Variants in EXOC6B observed in about 807,000 individuals in gnomAD.
EXOC6B encodes the protein SEC15 homolog B.
EXOC6B carries 54 observed loss-of-function variants against 113.5 expected under a neutral mutation model. The observed-to-expected ratio is 0.48, with a 90% CI of 0.38 to 0.60. The LOEUF is 0.60. EXOC6B is among the 20% of genes least tolerant of loss of function. EXOC6B has a pLI of 0.00. For synonymous variants in EXOC6B, 357 were observed against 339.0 expected (o/e 1.05, Z -0.58); for missense variants, 797 against 977.5 (o/e 0.82, Z 2.46).
At chr2:72,643,041 T>G (rs1196481034) in intron 6 of EXOC6B, among the ~76,000 whole-genome samples, 1 of 151,774 alleles carries the variant, frequency 6.6e-6, no homozygotes, top group Non-Finnish European at 1.5e-5. Context: ...ACCAGAGAAA[T>G]GCAAATCAAA....
At chr2:72,383,655 C>T (rs1691824339) in intron 18 of EXOC6B, among the ~76,000 whole-genome samples, 1 of 151,984 alleles carries the variant, frequency 6.6e-6, no homozygotes, top group Non-Finnish European at 1.5e-5. Context: ...GAATATATAA[C>T]CAAATGAATA....
intron 8 of EXOC6B, among the ~76,000 whole-genome samples, chr2:72,541,651 C>T (rs569310760): frequency 6.6e-6 from 1 of 152,244 alleles, no homozygotes; most frequent in South Asian, 2.1e-4. Flanking sequence ...AGTTCCTAGT[C>T]TTTTTCCTTT....
At chr2:72,228,461 C>A (rs1326345383) in intron 20 of EXOC6B, among the ~76,000 whole-genome samples, 1 of 143,740 alleles carries the variant, frequency 7.0e-6, no homozygotes, top group Non-Finnish European at 1.5e-5. Flanking sequence ...TGTTCCCCTT[C>A]CTGTGTCCAC....
intron 20 of EXOC6B, among the ~76,000 whole-genome samples, chr2:72,330,210 T>A (rs911446277): frequency 5.9e-5 from 9 of 152,182 alleles, no homozygotes; most frequent in Admixed American, 2.0e-4. Context: ...AGGTAAACTA[T>A]CATAGATTAA....
chr2:72,412,721 G>A (rs891471812), intron 18 of EXOC6B, among the ~76,000 whole-genome samples: 1 of 151,984 alleles, frequency 6.6e-6, no homozygotes, highest in South Asian at 2.1e-4. Context: ...TAAATAAAAT[G>A]TCTTTCACAT....
intron 20 of EXOC6B, among the ~76,000 whole-genome samples, chr2:72,317,081 A>C (rs905020257): frequency 6.4e-4 from 98 of 152,078 alleles, no homozygotes; most frequent in African/African-American, 2.3e-3. Flanking sequence ...CTAGGGGTTC[A>C]TCTTTTGTTT....
At chr2:72,250,110 T>G (rs530548877) in intron 20 of EXOC6B, among the ~76,000 whole-genome samples, 4 of 152,228 alleles carry the variant, frequency 2.6e-5, no homozygotes, top group African/African-American at 2.4e-5. Context: ...AAATCTTTCA[T>G]GCAGAATGTA....
intron 19 of EXOC6B, among the ~76,000 whole-genome samples, chr2:72,375,740 T>C (rs1343517543): frequency 6.6e-6 from 1 of 152,132 alleles, no homozygotes; most frequent in Non-Finnish European, 1.5e-5. Flanking sequence ...TCTAAGTTTC[T>C]ACCCAAAAGA....
At chr2:72,544,368 A>G (rs1472661610) in intron 8 of EXOC6B, among the ~76,000 whole-genome samples, 1 of 152,080 alleles carries the variant, frequency 6.6e-6, no homozygotes, top group African/African-American at 2.4e-5. Flanking sequence ...CTTATTTCCC[A>G]AGAAAAACGT....
chr2:72,595,306 T>C (rs969324187), intron 6 of EXOC6B, among the ~76,000 whole-genome samples: 6 of 147,454 alleles, frequency 4.1e-5, no homozygotes, highest in South Asian at 2.1e-4. Context: ...TATATATATA[T>C]ATGACAATTA....
intron 6 of EXOC6B, among the ~76,000 whole-genome samples, chr2:72,626,254 G>T (rs1672042722): frequency 6.6e-6 from 1 of 152,094 alleles, no homozygotes; most frequent in Non-Finnish European, 1.5e-5. Context: ...TCATCTAGCT[G>T]TATTTAATCA....
chr2:72,414,413 G>C (rs1025975394), intron 18 of EXOC6B, among the ~76,000 whole-genome samples: 8 of 151,896 alleles, frequency 5.3e-5, no homozygotes, highest in Non-Finnish European at 8.8e-5. Context: ...ATTACTAGAG[G>C]TTCAAAAAAC....
intron 18 of EXOC6B, among the ~76,000 whole-genome samples, chr2:72,459,913 A>G (rs2105393538): frequency 6.6e-6 from 1 of 152,322 alleles, no homozygotes; most frequent in East Asian, 1.9e-4. Flanking sequence ...TCCTAAGCCA[A>G]AAGAACAAAG....
intron 20 of EXOC6B, among the ~76,000 whole-genome samples, chr2:72,250,227 C>T (rs968334409): frequency 1.3e-5 from 2 of 152,082 alleles, no homozygotes; most frequent in African/African-American, 2.4e-5. Context: ...AGCACGGTAC[C>T]GATCAAAGTC....
chr2:72,615,141 T>A (rs1341999318), intron 6 of EXOC6B, among the ~76,000 whole-genome samples: 3 of 152,088 alleles, frequency 2.0e-5, no homozygotes, highest in Non-Finnish European at 4.4e-5. Flanking sequence ...TTCATAAGGT[T>A]GTACTAGAGA....
At chr2:72,432,561 A>G (rs1239349769) in intron 18 of EXOC6B, among the ~76,000 whole-genome samples, 1 of 151,962 alleles carries the variant, frequency 6.6e-6, no homozygotes, top group African/African-American at 2.4e-5. Context: ...AAGCATTCCT[A>G]TTTCTCCACA....
Position 72,453,927 on chromosome 2 carries a change from C to A in EXOC6B, c.1980+11233G>T, listed in dbSNP as rs570075718. Among the ~76,000 whole-genome samples the A allele has an allele frequency of 1.1e-3, 163 of 152,300 alleles. 1 individual carries two copies. Among genetic ancestry groups the A allele is most frequent in the Non-Finnish European group, 1.9e-3 (129 of 68,042 alleles). On this transcript the variant is annotated intron_variant, in intron 18 of 21. Coordinates refer to ENST00000272427, the MANE Select transcript of EXOC6B (RefSeq NM_015189.3). ...GGCTGGTCAGGCCTCAGGAAACTCACAATCATGGCAGAAAGTACCTCTTCA... is the reference window on the plus strand; with the variant it reads ...GGCTGGTCAGGCCTCAGGAAACTCAAAATCATGGCAGAAAGTACCTCTTCA...
intron 6 of EXOC6B, among the ~76,000 whole-genome samples, chr2:72,685,453 G>A (rs1677022035): frequency 6.6e-6 from 1 of 152,076 alleles, no homozygotes; most frequent in Non-Finnish European, 1.5e-5. Context: ...CCCAAAGGAT[G>A]AGCCGAAAAG....
chr2:72,775,424 A>C (rs1683640162), intron 1 of EXOC6B, among the ~76,000 whole-genome samples: 1 of 152,234 alleles, frequency 6.6e-6, no homozygotes, highest in Non-Finnish European at 1.5e-5. Context: ...CTCACTTGAG[A>C]AATTCCATGC....
Sources: gnomAD v4.1 joint callset for allele counts (sites outside exome capture counted in the v4.1 genomes callset) on GRCh38, gnomAD v4.1.1 for gene constraint, MANE v1.5 for transcripts, NCBI Gene and HGNC (gene_info 2026-07-23, HGNC 2026-07-21) for gene names.